The following RABGAP1L variants were observed in gnomAD, a reference collection of about 807,000 sequenced individuals.
RABGAP1L encodes the protein rab GTPase-activating protein 1-like.
In RABGAP1L, 63 loss-of-function variants were observed where a neutral mutation model predicts 137.7. The observed-to-expected ratio is 0.46, with a 90% CI of 0.37 to 0.56. RABGAP1L has a LOEUF of 0.56. RABGAP1L is among the 20% of genes least tolerant of loss of function. The probability of loss-of-function intolerance (pLI) is 0.00; values close to 1 mark genes in which losing one functional copy is unlikely to be tolerated. For missense variants in RABGAP1L, 1,095 were observed against 1,244.0 expected, an observed-to-expected ratio of 0.88 and a Z score of 1.80; for synonymous variants, 431 against 433.7, an observed-to-expected ratio of 0.99 and a Z score of 0.08.
intron 13 of RABGAP1L, among the ~76,000 whole-genome samples, chr1:174,433,842 C>G (rs1652923375): frequency 6.6e-6 from 1 of 152,154 alleles, no homozygotes; most frequent in African/African-American, 2.4e-5. Flanking sequence ...AAAATTCACT[C>G]AAATAATTTA....
intron 19 of RABGAP1L, among the ~76,000 whole-genome samples, chr1:174,835,853 A>G (rs1056940051): frequency 6.6e-6 from 1 of 152,158 alleles, no homozygotes; most frequent in African/African-American, 2.4e-5. Context: ...GGTTATGTAA[A>G]AAAAAAATTC....
At chr1:174,463,724 C>T (rs954212895) in intron 13 of RABGAP1L, among the ~76,000 whole-genome samples, 2 of 151,776 alleles carry the variant, frequency 1.3e-5, no homozygotes, top group Non-Finnish European at 2.9e-5. Flanking sequence ...AATAACTCAA[C>T]ATCACTTAGC....
intron 17 of RABGAP1L, among the ~76,000 whole-genome samples, chr1:174,731,205 C>G (rs1443854917): frequency 1.3e-5 from 2 of 151,602 alleles, no homozygotes; most frequent in African/African-American, 4.9e-5. Context: ...ACTCTGACCT[C>G]AAGAGATCTA....
chr1:174,164,670 G>A (rs962388737), intron 1 of RABGAP1L, among the ~76,000 whole-genome samples: 5 of 152,096 alleles, frequency 3.3e-5, no homozygotes, highest in African/African-American at 1.2e-4. Flanking sequence ...CCTCCTCATA[G>A]GTAGTTGTTA....
At chr1:174,671,419 T>G (rs116161490) in intron 14 of RABGAP1L, among the ~76,000 whole-genome samples, 1,821 of 152,286 alleles carry the variant, frequency 0.012, 40 homozygotes, top group African/African-American at 0.042. Flanking sequence ...CAGCTTTTCC[T>G]CATTCAGCAT....
intron 1 of RABGAP1L, among the ~76,000 whole-genome samples, chr1:174,185,019 TGGCA>T (rs1666695111): frequency 6.6e-6 from 1 of 152,196 alleles, no homozygotes; most frequent in South Asian, 2.1e-4. Flanking sequence ...ACAGTTGTGG[TGGCA>T]ACCCTTCCCT....
rs560815912 is a variant in RABGAP1L, at chr1:174,544,328, T to G, written c.1711-93047T>G. On this transcript the variant is annotated intron_variant, in intron 13 of 25. Coordinates refer to ENST00000681986, the MANE Select transcript of RABGAP1L (RefSeq NM_001366446.1). Reference sequence around the variant, plus strand: ...CTTTTTTTCTCTAAACTTCTCTTCTTGCTTCATTTCATTCATTTGATCTTC... The same window carrying G: ...CTTTTTTTCTCTAAACTTCTCTTCTGGCTTCATTTCATTCATTTGATCTTC... 1.6e-3 allele frequency among the ~76,000 whole-genome samples: 249 copies of G among 152,272 alleles called. 1 individual carries two copies. The highest frequency in any genetic ancestry group is 5.8e-3 in the African/African-American group (242 of 41,558).
intron 20 of RABGAP1L, among the ~76,000 whole-genome samples, chr1:174,959,191 C>T (rs930030187): frequency 3.3e-5 from 5 of 152,214 alleles, no homozygotes; most frequent in African/African-American, 1.2e-4. Context: ...TTTTCACCAC[C>T]AACATCCCCT....
intron 7 of RABGAP1L, among the ~76,000 whole-genome samples, chr1:174,257,131 C>T (rs1254184934): frequency 1.3e-5 from 2 of 152,164 alleles, no homozygotes; most frequent in East Asian, 1.9e-4. Context: ...GGAGCCCCTT[C>T]GAACCCTATC....
At chr1:174,383,777 AC>A (rs1447350211) in intron 12 of RABGAP1L, among the ~76,000 whole-genome samples, 3 of 152,078 alleles carry the variant, frequency 2.0e-5, no homozygotes. Flanking sequence ...GGAGCTGTAG[AC>A]CGGAGCTGTT....
chr1:174,615,496 C>A (rs1272680031), intron 13 of RABGAP1L, among the ~76,000 whole-genome samples: 1 of 152,166 alleles, frequency 6.6e-6, no homozygotes, highest in Non-Finnish European at 1.5e-5. Flanking sequence ...CTTGGGGGTG[C>A]CTCCCAGTTA....
chr1:174,299,307 C>G (rs1164449060), intron 10 of RABGAP1L, among the ~76,000 whole-genome samples: 1 of 152,222 alleles, frequency 6.6e-6, no homozygotes, highest in Non-Finnish European at 1.5e-5. Flanking sequence ...AAACTTGGAG[C>G]TCCTGGACCT....
At chr1:174,788,329 A>C (rs1027059428) in intron 18 of RABGAP1L, among the ~76,000 whole-genome samples, 7 of 152,192 alleles carry the variant, frequency 4.6e-5, no homozygotes, top group African/African-American at 1.7e-4. Flanking sequence ...CTTGGTAAAG[A>C]ATATTGTCTC....
rs562211555 is a variant in RABGAP1L, at chr1:174,994,526, T to A, written c.*4525T>A. ...ATTTTAAGTTATTTTCCTTTTTCAT[T>A]GGCAATTAGTTAACATGTAAAATCT... On this transcript the variant is annotated 3_prime_UTR_variant, in exon 26 of 26. Coordinates refer to ENST00000681986, the MANE Select transcript of RABGAP1L (RefSeq NM_001366446.1). 1.3e-5 allele frequency: 2 copies of A among 152,368 alleles called. No individual in the cohort carries two copies. The highest frequency in any genetic ancestry group is 3.9e-4 in the East Asian group (2 of 5,190). 9.4% of individuals were successfully genotyped at this position (152,368 alleles called of 1,614,324 possible).
At chr1:174,622,288 C>A (rs1278511874) in intron 13 of RABGAP1L, among the ~76,000 whole-genome samples, 2 of 152,184 alleles carry the variant, frequency 1.3e-5, no homozygotes, top group African/African-American at 4.8e-5. Context: ...TTGTGGAAGT[C>A]AGTGTGGTGA....
chr1:174,688,134 A>G (rs1336739059), intron 15 of RABGAP1L, among the ~76,000 whole-genome samples: 1 of 152,142 alleles, frequency 6.6e-6, no homozygotes, highest in African/African-American at 2.4e-5. Context: ...TTTGTAATGA[A>G]ATATACAATA....
At chr1:174,674,983 T>A (rs931134429) in intron 14 of RABGAP1L, among the ~76,000 whole-genome samples, 1 of 152,146 alleles carries the variant, frequency 6.6e-6, no homozygotes, top group African/African-American at 2.4e-5. Flanking sequence ...AGATTCTGGA[T>A]ATTAGCCCTT....
At position 174,930,330 on chromosome 1, in the gene RABGAP1L, C is replaced by CT. The variant is rs893570655; in HGVS notation, c.2341-27113dup. Among the ~76,000 whole-genome samples the CT allele has an allele frequency of 5.2e-3, 731 of 139,408 alleles. 5 individuals are homozygous for CT. The highest frequency in any genetic ancestry group is 0.033 in the East Asian group (157 of 4,794). 91.5% of individuals were successfully genotyped at this position (139,408 alleles called of 152,430 possible). On this transcript the variant is annotated intron_variant, in intron 19 of 25. Coordinates refer to ENST00000681986, the MANE Select transcript of RABGAP1L (RefSeq NM_001366446.1). ...ATACCACCACACCTAGATCAAACTT[C>CT]TTTTTTTTTTTTTTGAGACAGGATC... is the stretch of plus-strand genomic sequence containing the variant.
chr1:174,438,683 A>C (rs751099551), intron 13 of RABGAP1L, among the ~76,000 whole-genome samples: 2 of 146,216 alleles, frequency 1.4e-5, no homozygotes, highest in South Asian at 2.2e-4. Context: ...ACGCCACTGC[A>C]CTCCAGCCTG....
Sources: gnomAD v4.1 joint callset for allele counts (sites outside exome capture counted in the v4.1 genomes callset) on GRCh38, gnomAD v4.1.1 for gene constraint, MANE v1.5 for transcripts, NCBI Gene and HGNC (gene_info 2026-07-23, HGNC 2026-07-21) for gene names.